Variants in TSNARE1 observed in about 807,000 individuals in gnomAD.
TSNARE1 encodes t-SNARE domain containing 1, also known as t-SNARE domain-containing protein 1.
A neutral mutation model predicts 62.0 loss-of-function variants in TSNARE1; 49 were observed. The observed-to-expected ratio is 0.79, with a 90% CI of 0.63 to 1.00. The LOEUF is 1.00. Ranked by LOEUF, TSNARE1 falls within the 50% of genes least tolerant of loss-of-function variation. The pLI, the probability that TSNARE1 is intolerant of heterozygous loss-of-function variation, is 0.00. For synonymous variants in TSNARE1, 328 were observed against 294.4 expected, an observed-to-expected ratio of 1.11 and a Z score of -1.17; for missense variants, 755 against 700.1, an observed-to-expected ratio of 1.08 and a Z score of -0.88.
intron 4 of TSNARE1, among the ~76,000 whole-genome samples, chr8:142,333,496 C>A (rs571906409): frequency 1.3e-5 from 2 of 152,180 alleles, no homozygotes; most frequent in Admixed American, 1.3e-4. Flanking sequence ...CTAGGGGTGC[C>A]GAGGGGACCC....
intron 10 of TSNARE1, among the ~76,000 whole-genome samples, chr8:142,292,100 C>A (rs543740461): frequency 6.6e-6 from 1 of 152,064 alleles, no homozygotes; most frequent in South Asian, 2.1e-4. Context: ...CAGGAGGAAA[C>A]CAGGCCATGG....
chr8:142,296,511 T>C (rs2131219853), intron 10 of TSNARE1, among the ~76,000 whole-genome samples: 1 of 151,870 alleles, frequency 6.6e-6, no homozygotes, highest in East Asian at 1.9e-4. Context: ...CACTGGCCAG[T>C]TTGACACGTC....
At chr8:142,379,054 A>C in intron 1 of TSNARE1, among the ~76,000 whole-genome samples, 1 of 152,210 alleles carries the variant, frequency 6.6e-6, no homozygotes, top group Non-Finnish European at 1.5e-5. Context: ...GGCTAGCAGC[A>C]TCCCTTTGCA....
chr8:142,393,531 G>A (rs1286680541), intron 1 of TSNARE1, among the ~76,000 whole-genome samples: 1 of 152,246 alleles, frequency 6.6e-6, no homozygotes, highest in Non-Finnish European at 1.5e-5. Context: ...TCTCACAACT[G>A]TATGTGAATT....
chr8:142,378,567 A>G (rs566746649), intron 1 of TSNARE1, among the ~76,000 whole-genome samples: 8 of 152,180 alleles, frequency 5.3e-5, no homozygotes, highest in Non-Finnish European at 1.0e-4. Flanking sequence ...GTTCTCCCAG[A>G]TGTGACAGCA....
At chr8:142,222,121 T>C (rs1177407105) in intron 13 of TSNARE1, among the ~76,000 whole-genome samples, 9 of 107,368 alleles carry the variant, frequency 8.4e-5, no homozygotes, top group East Asian at 6.4e-4. Flanking sequence ...CATCCACTCA[T>C]TCACTCACTC....
chr8:142,233,021 C>G (rs1174783454), intron 12 of TSNARE1, among the ~76,000 whole-genome samples: 1 of 152,216 alleles, frequency 6.6e-6, no homozygotes, highest in Non-Finnish European at 1.5e-5. Context: ...GGCACCCAGA[C>G]AGCCACCCTG....
intron 11 of TSNARE1, chr8:142,275,797 A>G: frequency 3.0e-6 from 3 of 985,064 alleles, no homozygotes; most frequent in Non-Finnish European, 3.6e-6. Context: ...CAGGGGTCTT[A>G]AGGCCTGGGA....
At chr8:142,360,299 C>CG (rs1290256431) in intron 1 of TSNARE1, among the ~76,000 whole-genome samples, 1 of 152,098 alleles carries the variant, frequency 6.6e-6, no homozygotes, top group Non-Finnish European at 1.5e-5. Context: ...GAGGGGGACA[C>CG]GGAGTCCCTT....
chr8:142,399,092 G>T (rs1407165907), intron 1 of TSNARE1, among the ~76,000 whole-genome samples: 1 of 152,216 alleles, frequency 6.6e-6, no homozygotes, highest in Non-Finnish European at 1.5e-5. Context: ...GGGCTCCGTA[G>T]GTGAGGACAC....
chr8:142,240,977 T>C (rs891187124), intron 12 of TSNARE1, among the ~76,000 whole-genome samples: 1 of 152,214 alleles, frequency 6.6e-6, no homozygotes, highest in Non-Finnish European at 1.5e-5. Flanking sequence ...GTGCCGGCTA[T>C]CATCACTTCT....
In TSNARE1 at chr8:142,313,442, T is replaced by C. The variant is rs551304983; in HGVS notation, c.1131+942A>G. ...TGTGTTTATCTGCATGTTGTCTACA[T>C]GTCTGTTTATCTGCATGTGTCTGCA... On this transcript the variant is annotated intron_variant, in intron 9 of 13. Transcript: ENST00000524325. 2.4e-3 allele frequency among the ~76,000 whole-genome samples: 366 copies of C among 152,200 alleles called. 7 individuals carry two copies. The highest frequency in any genetic ancestry group is 9.0e-4 in the Non-Finnish European group (61 of 68,006).
intron 10 of TSNARE1, among the ~76,000 whole-genome samples, chr8:142,299,123 G>A (rs905752341): frequency 3.9e-5 from 6 of 152,196 alleles, no homozygotes; most frequent in African/African-American, 9.6e-5. Flanking sequence ...CAGAGGAGGC[G>A]GGGGCCCCAA....
chr8:142,254,516 C>A (rs1818329421), intron 12 of TSNARE1, among the ~76,000 whole-genome samples: 1 of 152,210 alleles, frequency 6.6e-6, no homozygotes, highest in South Asian at 2.1e-4. Context: ...GCAGGGGATC[C>A]CCGTGGGACC....
intron 11 of TSNARE1, chr8:142,276,612 G>T: frequency 2.0e-6 from 2 of 985,420 alleles, no homozygotes; most frequent in Non-Finnish European, 2.4e-6. Context: ...GCCCTGGCTG[G>T]ACACTTTCTC....
At chr8:142,213,611 C>T (rs1324414493) in intron 13 of TSNARE1, among the ~76,000 whole-genome samples, 2 of 152,116 alleles carry the variant, frequency 1.3e-5, no homozygotes, top group Non-Finnish European at 2.9e-5. Flanking sequence ...GAGCAAAAGG[C>T]CAGGGCCTTC....
chr8:142,278,866 G>A (rs555793650), intron 11 of TSNARE1: 22 of 921,062 alleles, frequency 2.4e-5, no homozygotes, highest in African/African-American at 1.6e-4. Context: ...GAGGCACAGC[G>A]TGGGGCGGGG....
At chr8:142,380,250 G>C (rs2131197780) in intron 1 of TSNARE1, among the ~76,000 whole-genome samples, 1 of 152,346 alleles carries the variant, frequency 6.6e-6, no homozygotes, top group South Asian at 2.1e-4. Context: ...TCCATGGGGA[G>C]GCCGGGCCTT....
At chr8:142,247,390 C>G (rs1326376707) in intron 12 of TSNARE1, among the ~76,000 whole-genome samples, 1 of 152,230 alleles carries the variant, frequency 6.6e-6, no homozygotes, top group African/African-American at 2.4e-5. Flanking sequence ...GGGTTTTGGA[C>G]TCTTACTTGG....
Sources: allele counts gnomAD v4.1 joint callset (sites outside exome capture counted in the v4.1 genomes callset), GRCh38; gene constraint gnomAD v4.1.1; transcripts MANE v1.5; gene names NCBI Gene and HGNC (gene_info 2026-07-23, HGNC 2026-07-21).